ROBO1: variants seen among roughly 807,000 people sequenced by gnomAD.
ROBO1 encodes roundabout guidance receptor 1.
A neutral mutation model predicts 195.9 loss-of-function variants in ROBO1; 149 were observed. The observed-to-expected ratio is 0.76, with a 90% CI of 0.67 to 0.87. The LOEUF (loss-of-function observed/expected upper bound fraction) is 0.87. ROBO1 is among the 40% of genes least tolerant of loss of function. The pLI, the probability that ROBO1 is intolerant of heterozygous loss-of-function variation, is 0.00. For synonymous variants in ROBO1, 816 were observed against 733.2 expected, an observed-to-expected ratio of 1.11 and a Z score of -1.82; for missense variants, 1,933 against 2,068.3, an observed-to-expected ratio of 0.93 and a Z score of 1.27.
In ROBO1 at chr3:78,682,888, G is replaced by A. The variant is rs530910966; in HGVS notation, c.1342+2858C>T. Among the ~76,000 whole-genome samples the A allele has an allele frequency of 2.0e-5, 3 of 151,710 alleles. No homozygotes were observed. In the South Asian group the frequency reaches 6.2e-4, roughly 31 times the overall value. On this transcript the variant is annotated intron_variant, in intron 10 of 30. Transcript: ENST00000464233. ...TAAATTCACTCATTTTTAATAGTTT[G>A]TAGGTAGATTATTTTGAAATTTTTA...
chr3:79,395,230 G>T (rs767856825), intron 2 of ROBO1, among the ~76,000 whole-genome samples: 1 of 149,086 alleles, frequency 6.7e-6, no homozygotes, highest in Non-Finnish European at 1.5e-5. Flanking sequence ...GCTGAGGCAG[G>T]AGAATGGAGT....
chr3:79,721,125 A>G (rs1267778267), intron 1 of ROBO1, among the ~76,000 whole-genome samples: 1 of 152,104 alleles, frequency 6.6e-6, no homozygotes, highest in Admixed American at 6.5e-5. Flanking sequence ...AACTTGTGAA[A>G]ATAAAGTGCA....
At chr3:79,278,509 C>A (rs375325764) in intron 2 of ROBO1, among the ~76,000 whole-genome samples, 1 of 152,064 alleles carries the variant, frequency 6.6e-6, no homozygotes, top group Non-Finnish European at 1.5e-5. Context: ...CCAATGGAAC[C>A]GGTTAGAGAA....
chr3:78,906,880 G>T (rs1255013618), intron 4 of ROBO1, among the ~76,000 whole-genome samples: 2 of 151,748 alleles, frequency 1.3e-5, no homozygotes, highest in African/African-American at 2.4e-5. Context: ...TGAAAAAAAA[G>T]ACATTGTTTT....
intron 2 of ROBO1, among the ~76,000 whole-genome samples, chr3:79,415,756 G>GA (rs1244594899): frequency 2.0e-5 from 3 of 152,032 alleles, no homozygotes; most frequent in South Asian, 2.1e-4. Flanking sequence ...TTATTTAGGT[G>GA]AAAAAATGTA....
chr3:79,184,981 T>C (rs1297983597), intron 2 of ROBO1, among the ~76,000 whole-genome samples: 2 of 152,168 alleles, frequency 1.3e-5, no homozygotes, highest in Non-Finnish European at 2.9e-5. Context: ...CTCTTCCATG[T>C]CCACATTCTA....
intron 2 of ROBO1, among the ~76,000 whole-genome samples, chr3:79,355,421 T>C (rs2035511399): frequency 6.6e-6 from 1 of 152,150 alleles, no homozygotes; most frequent in Admixed American, 6.5e-5. Flanking sequence ...TTTCAGAATA[T>C]TCAAAAACCT....
At chr3:79,266,903 A>G (rs2030012045) in intron 2 of ROBO1, among the ~76,000 whole-genome samples, 1 of 151,640 alleles carries the variant, frequency 6.6e-6, no homozygotes, top group African/African-American at 2.4e-5. Flanking sequence ...CTGCTCTCCC[A>G]TATAATGTAG....
At chr3:79,448,957 T>C (rs2107183607) in intron 2 of ROBO1, among the ~76,000 whole-genome samples, 1 of 152,226 alleles carries the variant, frequency 6.6e-6, no homozygotes, top group Middle Eastern at 3.4e-3. Context: ...TGGCCAGACA[T>C]TGTGGCTCAT....
intron 19 of ROBO1, among the ~76,000 whole-genome samples, chr3:78,648,362 T>A (rs1706433103): frequency 6.6e-6 from 1 of 152,144 alleles, no homozygotes; most frequent in East Asian, 1.9e-4. Flanking sequence ...TTAATTTCTT[T>A]GAGTTTACTT....
intron 2 of ROBO1, among the ~76,000 whole-genome samples, chr3:79,281,255 G>C (rs1393970592): frequency 6.6e-6 from 1 of 151,970 alleles, no homozygotes; most frequent in African/African-American, 2.4e-5. Flanking sequence ...GAAAATAAAA[G>C]TTTATTTATT....
rs575720254 is a variant in ROBO1 at position 79,507,690 on chromosome 3, C to T, written c.88+82134G>A. Among the ~76,000 whole-genome samples, 13 of 152,210 alleles carry T rather than the reference C, an allele frequency of 8.5e-5. No homozygotes were observed. In the Middle Eastern group the frequency reaches 0.01, roughly 119 times the overall value. On this transcript the variant is annotated intron_variant, in intron 2 of 30. Coordinates refer to ENST00000464233, the MANE Select transcript of ROBO1 (RefSeq NM_002941.4). ...GGTGTGTTTCTGTGGTATATGCTGG[C>T]GGTGTCATGGACTCACCAGGCTTTA...
chr3:79,315,235 A>T (rs1340028387), intron 2 of ROBO1, among the ~76,000 whole-genome samples: 4 of 152,196 alleles, frequency 2.6e-5, no homozygotes, highest in Non-Finnish European at 5.9e-5. Context: ...TGAGGCCAGG[A>T]GTTCAGTACC....
intron 1 of ROBO1, among the ~76,000 whole-genome samples, chr3:79,590,289 C>T (rs984940686): frequency 6.6e-6 from 1 of 151,662 alleles, no homozygotes; most frequent in Non-Finnish European, 1.5e-5. Flanking sequence ...ACACTCTCAT[C>T]ACATTTAGAA....
intron 2 of ROBO1, among the ~76,000 whole-genome samples, chr3:79,142,338 A>G (rs1024007726): frequency 6.6e-6 from 1 of 152,150 alleles, no homozygotes; most frequent in African/African-American, 2.4e-5. Flanking sequence ...GGTCAACAGT[A>G]TAAAACACAG....
chr3:79,353,144 T>G (rs183060228), intron 2 of ROBO1, among the ~76,000 whole-genome samples: 3 of 152,238 alleles, frequency 2.0e-5, no homozygotes, highest in African/African-American at 7.2e-5. Flanking sequence ...GAGATAACAT[T>G]TTTTTATGTT....
intron 4 of ROBO1, among the ~76,000 whole-genome samples, chr3:78,867,752 C>T (rs1345399691): frequency 6.6e-6 from 1 of 152,064 alleles, no homozygotes; most frequent in African/African-American, 2.4e-5. Flanking sequence ...AAATGCCTTC[C>T]AGCTTTTTTA....
chr3:79,265,862 G>T (rs112436699), intron 2 of ROBO1, among the ~76,000 whole-genome samples: 1 of 150,674 alleles, frequency 6.6e-6, no homozygotes, highest in Admixed American at 6.6e-5. Context: ...ACTGTTATAC[G>T]ACCCAATGGT....
At chr3:78,782,798 C>A (rs2083717283) in intron 4 of ROBO1, among the ~76,000 whole-genome samples, 1 of 152,144 alleles carries the variant, frequency 6.6e-6, no homozygotes, top group African/African-American at 2.4e-5. Flanking sequence ...AATTATCATA[C>A]ATGTTGGTTT....
Sources: gnomAD v4.1 joint callset for allele counts (sites outside exome capture counted in the v4.1 genomes callset) on GRCh38, gnomAD v4.1.1 for gene constraint, MANE v1.5 for transcripts, NCBI Gene and HGNC (gene_info 2026-07-23, HGNC 2026-07-21) for gene names.